PCDHGA5: variants seen among roughly 807,000 people sequenced by gnomAD.
PCDHGA5 encodes protocadherin gamma subfamily A, 5.
PCDHGA5 carries 36 observed loss-of-function variants against 56.7 expected under a neutral mutation model. That is an observed-to-expected ratio of 0.64 (90% CI 0.49 to 0.84). The LOEUF (loss-of-function observed/expected upper bound fraction) is 0.84, where lower values mean the gene tolerates loss of function less well. Among genes scored for constraint, PCDHGA5 ranks in the 40% least tolerant of loss-of-function variants. The probability of loss-of-function intolerance (pLI) is 0.00; values close to 1 mark genes in which losing one functional copy is unlikely to be tolerated. For missense variants in PCDHGA5, 1,305 were observed against 1,201.5 expected (o/e 1.09, Z -1.27); for synonymous variants, 563 against 520.2 (o/e 1.08, Z -1.12).
chr5:141,411,752 C>T (rs2095512204), intron 1 of PCDHGA5: 1 of 152,734 alleles, frequency 6.5e-6, no homozygotes. Context: ...TGTGGTGGCA[C>T]ATGCCTGTGG....
At chr5:141,422,900 A>G (rs2096684887) in intron 1 of PCDHGA5, 2 of 1,614,220 alleles carry the variant, frequency 1.2e-6, no homozygotes, top group South Asian at 2.2e-5. Flanking sequence ...GACCAGAACG[A>G]CAATGCGCCC....
At chr5:141,371,572 A>C (rs913644689) in intron 1 of PCDHGA5, 1 of 1,613,960 alleles carries the variant, frequency 6.2e-7, no homozygotes, top group Middle Eastern at 1.6e-4. Context: ...TTCCCCTTTA[A>C]AATCGTTCAA....
chr5:141,432,288 A>C lies in PCDHGA5; in HGVS notation c.2422-62519A>C. ...TCGTCCTACGTGTCCATCAACTCCG[A>C]CACTGGGGTACTGTATGCGCTGAGC... On this transcript the variant is annotated intron_variant, in intron 1 of 3. Coordinates refer to ENST00000518069, the MANE Select transcript of PCDHGA5 (RefSeq NM_018918.3). This position sits in a 1 kb window ranked among gnomAD's most constrained non-coding sequence, Gnocchi z 6.0. 1 of 1,614,192 alleles carries C rather than the reference A, an allele frequency of 6.2e-7. No individual in the cohort carries two copies. Among genetic ancestry groups the C allele is most frequent in the Non-Finnish European group, 8.5e-7 (1 of 1,180,018 alleles).
At chr5:141,427,695 C>T in intron 1 of PCDHGA5, 1 of 918,214 alleles carries the variant, frequency 1.1e-6, no homozygotes, top group Non-Finnish European at 1.7e-6. Context: ...CTCCATCCCA[C>T]AAGTCAGCGC....
chr5:141,456,072 T>C (rs1349808406), intron 1 of PCDHGA5, among the ~76,000 whole-genome samples: 2 of 151,950 alleles, frequency 1.3e-5, no homozygotes, highest in Non-Finnish European at 2.9e-5. Flanking sequence ...TAATTTTTTG[T>C]ATTTTCAGTA....
intron 1 of PCDHGA5, among the ~76,000 whole-genome samples, chr5:141,369,682 A>G (rs979966381): frequency 2.0e-5 from 3 of 152,250 alleles, no homozygotes; most frequent in African/African-American, 7.2e-5. Flanking sequence ...AGTGAAACAT[A>G]GAATAAAACT....
At chr5:141,392,593 C>G (rs986653235) in intron 1 of PCDHGA5, 2 of 494,194 alleles carry the variant, frequency 4.0e-6, no homozygotes, top group Non-Finnish European at 7.1e-6. Context: ...CCGCTGTTCA[C>G]CTACTGGAAG....
intron 1 of PCDHGA5, among the ~76,000 whole-genome samples, chr5:141,425,114 T>A (rs537694464): frequency 5.9e-5 from 9 of 152,326 alleles, no homozygotes; most frequent in African/African-American, 2.2e-4. Context: ...TGCCTACATT[T>A]TTCTTGAAGT....
intron 1 of PCDHGA5, chr5:141,410,134 C>G (rs573769764): frequency 6.2e-7 from 1 of 1,612,766 alleles, no homozygotes; most frequent in Admixed American, 1.7e-5. Context: ...GCCTGCTGGT[C>G]GCTGTGCGTG....
At chr5:141,424,936 C>G (rs1160449329) in intron 1 of PCDHGA5, among the ~76,000 whole-genome samples, 1 of 152,182 alleles carries the variant, frequency 6.6e-6, no homozygotes, top group Non-Finnish European at 1.5e-5. Flanking sequence ...AGTCAACACT[C>G]TCACATCACT....
chr5:141,466,885 G>A (rs997982577), intron 1 of PCDHGA5, among the ~76,000 whole-genome samples: 3 of 151,938 alleles, frequency 2.0e-5, no homozygotes, highest in Non-Finnish European at 4.4e-5. Context: ...TTCATAATAT[G>A]CATTTTCCAT....
rs1423149 is a variant in PCDHGA5, at chr5:141,487,780, C to G, written c.2422-7027C>G. ...TAGACGCTGTGCTTTGTAACTGTTTCGTGAATTAACCAGAGTTGTCACAGT... is the reference window on the plus strand; with the variant it reads ...TAGACGCTGTGCTTTGTAACTGTTTGGTGAATTAACCAGAGTTGTCACAGT... On this transcript the variant is annotated intron_variant, in intron 1 of 3. Transcript: ENST00000518069. This position sits in a 1 kb window ranked among gnomAD's most constrained non-coding sequence, Gnocchi z 5.0. 6.6e-7 allele frequency: 1 copy of G among 1,526,704 alleles called. No individual in the cohort carries two copies. The allele number at this position is 1,526,704 out of a possible 1,614,324, so 94.6% of individuals were successfully genotyped here. A position where few individuals can be genotyped will look rare whatever the true frequency, so the allele number is the denominator to read the frequency against.
At chr5:141,394,777 C>T (rs2093090848) in intron 1 of PCDHGA5, 5 of 1,613,516 alleles carry the variant, frequency 3.1e-6, no homozygotes, top group African/African-American at 2.7e-5. Flanking sequence ...CCCCCTCTCT[C>T]CGCCACTGTC....
chr5:141,431,163 A>G lies in PCDHGA5; in HGVS notation c.2422-63644A>G. On this transcript the variant is annotated intron_variant, in intron 1 of 3. Transcript: ENST00000518069. This position sits in a 1 kb window ranked among gnomAD's most constrained non-coding sequence, Gnocchi z 4.8. ...AACGACAATGCGCCTTACTTTCGTG[A>G]AAGTGAATTAGAAATAAAAATTAGT... 1 of 1,614,246 alleles carries G rather than the reference A, an allele frequency of 6.2e-7. No individual in the cohort carries two copies. Among genetic ancestry groups the G allele is most frequent in the Non-Finnish European group, 8.5e-7 (1 of 1,180,036 alleles).
intron 1 of PCDHGA5, chr5:141,413,152 G>C: frequency 1.3e-6 from 2 of 1,574,694 alleles, no homozygotes; most frequent in Non-Finnish European, 1.7e-6. Flanking sequence ...TGAGGACTTT[G>C]CAGAATTCTG....
At chr5:141,415,740 G>GTTTTTTTTTTTTTTTTTGTTTTT (rs2095912994) in intron 1 of PCDHGA5, 1 of 515,998 alleles carries the variant, frequency 1.9e-6, no homozygotes. Flanking sequence ...GTTTATTAAG[G>GTTTTTTTTTTTTTTTTTGTTTTT]TTTTTTTTTT....
At position 141,486,230 on chromosome 5, in the gene PCDHGA5, A is replaced by G. The variant is rs1463946178; in HGVS notation, c.2422-8577A>G. ...TGACAATGCCCCTTACATCACAGTG[A>G]CCTCAGAGCTTGGAACCCTCCCCGA... On this transcript the variant is annotated intron_variant, in intron 1 of 3. Coordinates refer to ENST00000518069, the MANE Select transcript of PCDHGA5 (RefSeq NM_018918.3). This position sits in a 1 kb window ranked among gnomAD's most constrained non-coding sequence, Gnocchi z 5.0. 2 of 1,613,898 alleles carry G rather than the reference A, an allele frequency of 1.2e-6. No individual in the cohort carries two copies. The highest frequency in any genetic ancestry group is 2.2e-5 in the East Asian group (1 of 44,878).
At chr5:141,494,188 T>C (rs2099752632) in intron 1 of PCDHGA5, among the ~76,000 whole-genome samples, 1 of 152,186 alleles carries the variant, frequency 6.6e-6, no homozygotes, top group South Asian at 2.1e-4. Flanking sequence ...GTCCCGGGAC[T>C]TGGATGCCCC....
Position 141,511,315 on chromosome 5 carries a change from G to A in PCDHGA5, c.*142G>A. ...AAGGCCATGCTCCCCTTGGGAAACA[G>A]AAACAAGTGCCCAGTCAGCACCTAC... On this transcript the variant is annotated 3_prime_UTR_variant, in exon 4 of 4. Coordinates refer to ENST00000518069, the MANE Select transcript of PCDHGA5 (RefSeq NM_018918.3). 6.8e-7 allele frequency: 1 copy of A among 1,481,384 alleles called. No individual in the cohort carries two copies. Among genetic ancestry groups the A allele is most frequent in the Non-Finnish European group, 9.0e-7 (1 of 1,110,974 alleles). 91.8% of individuals were successfully genotyped at this position (1,481,384 alleles called of 1,614,324 possible).
Sources: gnomAD v4.1 joint callset for allele counts (sites outside exome capture counted in the v4.1 genomes callset) on GRCh38, gnomAD v4.1.1 for gene constraint, Gnocchi (gnomAD v3.1) non-coding constraint, MANE v1.5 for transcripts, NCBI Gene and HGNC (gene_info 2026-07-23, HGNC 2026-07-21) for gene names.